SETBP1: variants seen among roughly 807,000 people sequenced by gnomAD.
SETBP1 encodes the protein SET-binding protein.
A neutral mutation model predicts 101.0 loss-of-function variants in SETBP1; 9 were observed. The observed-to-expected ratio is 0.09, with a 90% CI of 0.05 to 0.16. The LOEUF (loss-of-function observed/expected upper bound fraction) is 0.16. Among genes scored for constraint, SETBP1 ranks in the 10% least tolerant of loss-of-function variants. The pLI, the probability that SETBP1 is intolerant of heterozygous loss-of-function variation, is 1.00. For synonymous variants in SETBP1, 818 were observed against 788.5 expected (o/e 1.04, Z -0.63); for missense variants, 1,858 against 2,033.8 (o/e 0.91, Z 1.66).
chr18:44,792,018 A>T (rs753116351), intron 2 of SETBP1, among the ~76,000 whole-genome samples: 6 of 152,002 alleles, frequency 3.9e-5, no homozygotes, highest in Non-Finnish European at 7.4e-5. Context: ...CGGGCTCATC[A>T]TTTCATTTCT....
intron 4 of SETBP1, among the ~76,000 whole-genome samples, chr18:45,023,143 G>C (rs1599460501): frequency 1.3e-5 from 2 of 152,140 alleles, no homozygotes; most frequent in Admixed American, 1.3e-4. Context: ...TACTTTTATT[G>C]TGGTATCTAT....
intron 3 of SETBP1, among the ~76,000 whole-genome samples, chr18:44,930,863 T>G (rs2070816361): frequency 6.6e-6 from 1 of 152,122 alleles, no homozygotes; most frequent in Non-Finnish European, 1.5e-5. Context: ...GTCTATCAAT[T>G]TTGTTGATCT....
chr18:44,964,141 G>A lies in SETBP1; in HGVS notation c.4000+10801G>A, dbSNP rs576111249. On this transcript the variant is annotated intron_variant, in intron 4 of 5. Coordinates refer to ENST00000649279, the MANE Select transcript of SETBP1 (RefSeq NM_015559.3). ...AGCCTATCTGAAGCCTATCTGTCAC[G>A]TCTTATATTGCAAGTAAGACCAATA... Among the ~76,000 whole-genome samples, 18 of 152,174 alleles carry A rather than the reference G, an allele frequency of 1.2e-4. 1 individual carries two copies. The East Asian group carries it at 3.3e-3, about 28-fold the overall frequency.
intron 3 of SETBP1, among the ~76,000 whole-genome samples, chr18:44,948,033 C>T (rs2071249774): frequency 6.6e-6 from 1 of 152,110 alleles, no homozygotes; most frequent in South Asian, 2.1e-4. Context: ...TATTTTATGC[C>T]ACGAATAAGA....
intron 3 of SETBP1, among the ~76,000 whole-genome samples, chr18:44,945,095 A>G (rs1383568006): frequency 6.6e-6 from 1 of 152,106 alleles, no homozygotes; most frequent in East Asian, 1.9e-4. Context: ...GGTGTGCTGC[A>G]CCCATTAACT....
In SETBP1 at chr18:44,947,601, G is replaced by A. The variant is rs546362418; in HGVS notation, c.541-2280G>A. Reference sequence around the variant, plus strand: ...GGCTCACCACAACCTCTACTTCCCGGGTTCAAGTGATTCTCCTGCCTCAGC... The same window carrying A: ...GGCTCACCACAACCTCTACTTCCCGAGTTCAAGTGATTCTCCTGCCTCAGC... On this transcript the variant is annotated intron_variant, in intron 3 of 5. Coordinates refer to ENST00000649279, the MANE Select transcript of SETBP1 (RefSeq NM_015559.3). 7.9e-5 allele frequency among the ~76,000 whole-genome samples: 12 copies of A among 151,642 alleles called. No individual in the cohort carries two copies. The South Asian group carries it at 2.1e-3, about 26-fold the overall frequency.
chr18:44,705,377 C>T (rs1214261715), intron 2 of SETBP1, among the ~76,000 whole-genome samples: 1 of 152,116 alleles, frequency 6.6e-6, no homozygotes, highest in Non-Finnish European at 1.5e-5. Context: ...CAACTATTTA[C>T]TCTCTGATCC....
At chr18:44,897,703 G>A (rs1196769514) in intron 3 of SETBP1, among the ~76,000 whole-genome samples, 5 of 152,200 alleles carry the variant, frequency 3.3e-5, no homozygotes, top group Admixed American at 3.3e-4. Context: ...GTAACTGGCA[G>A]CATATGAACA....
At chr18:45,008,026 C>A (rs1397815772) in intron 4 of SETBP1, among the ~76,000 whole-genome samples, 3 of 152,214 alleles carry the variant, frequency 2.0e-5, no homozygotes, top group Admixed American at 2.0e-4. Context: ...TTTACATTAT[C>A]TCTGTGAGTC....
intron 3 of SETBP1, among the ~76,000 whole-genome samples, chr18:44,945,125 A>C (rs112429148): frequency 0.12 from 17,691 of 152,152 alleles, 1,206 homozygotes; most frequent in East Asian, 0.28. Context: ...CATTAGGTAT[A>C]TCTCCTAATG....
intron 2 of SETBP1, among the ~76,000 whole-genome samples, chr18:44,778,061 C>A (rs1178062392): frequency 6.6e-6 from 1 of 152,150 alleles, no homozygotes; most frequent in East Asian, 1.9e-4. Context: ...CTGGCGTGTT[C>A]TCTAAAGCGT....
intron 5 of SETBP1, among the ~76,000 whole-genome samples, chr18:45,046,382 G>A (rs376235710): frequency 1.3e-5 from 2 of 152,176 alleles, no homozygotes; most frequent in African/African-American, 4.8e-5. Flanking sequence ...TCCTAAGAAA[G>A]TTCACCAGAT....
chr18:45,008,687 C>G (rs1218224207), intron 4 of SETBP1, among the ~76,000 whole-genome samples: 2 of 152,122 alleles, frequency 1.3e-5, no homozygotes, highest in Non-Finnish European at 2.9e-5. Flanking sequence ...AAGCAGGGAG[C>G]AAAAATAAAT....
chr18:44,924,347 C>A (rs1340882379), intron 3 of SETBP1, among the ~76,000 whole-genome samples: 2 of 152,102 alleles, frequency 1.3e-5, no homozygotes, highest in East Asian at 3.9e-4. Context: ...TGCAGGGGAG[C>A]TCTAGAAGAA....
intron 2 of SETBP1, among the ~76,000 whole-genome samples, chr18:44,751,971 T>C (rs2070389499): frequency 6.6e-6 from 1 of 152,174 alleles, no homozygotes. Flanking sequence ...AAGCCACTAA[T>C]TCTTTCTCTA....
At chr18:44,970,954 T>G (rs2071838810) in intron 4 of SETBP1, among the ~76,000 whole-genome samples, 1 of 152,098 alleles carries the variant, frequency 6.6e-6, no homozygotes, top group Admixed American at 6.6e-5. Flanking sequence ...GCCATGTTGG[T>G]GTGCTGCAAC....
At chr18:44,811,054 G>A (rs544456336) in intron 2 of SETBP1, among the ~76,000 whole-genome samples, 1 of 152,310 alleles carries the variant, frequency 6.6e-6, no homozygotes, top group East Asian at 1.9e-4. Context: ...AAGACCTCCT[G>A]TTTGATCTAA....
intron 4 of SETBP1, among the ~76,000 whole-genome samples, chr18:44,959,224 A>G (rs2071558750): frequency 6.6e-6 from 1 of 152,198 alleles, no homozygotes; most frequent in South Asian, 2.1e-4. Context: ...TTGCTATAAT[A>G]TGGATCCTTT....
At chr18:44,758,048 T>A (rs182702532) in intron 2 of SETBP1, among the ~76,000 whole-genome samples, 74 of 152,270 alleles carry the variant, frequency 4.9e-4, no homozygotes, top group African/African-American at 1.8e-3. Flanking sequence ...TGGAGGACTC[T>A]CTTATCAGGA....
Sources: allele counts gnomAD v4.1 joint callset (sites outside exome capture counted in the v4.1 genomes callset), GRCh38; gene constraint gnomAD v4.1.1; transcripts MANE v1.5; gene names NCBI Gene and HGNC (gene_info 2026-07-23, HGNC 2026-07-21).